The following PCDHGB1 variants were observed in gnomAD, a reference collection of about 807,000 sequenced individuals.
The protein encoded by PCDHGB1 is protocadherin gamma subfamily B, 1.
In PCDHGB1, 34 loss-of-function variants were observed where a neutral mutation model predicts 56.6. The observed-to-expected ratio is 0.60, with a 90% CI of 0.46 to 0.80. The LOEUF is 0.80. Ranked by LOEUF, PCDHGB1 falls within the 30% of genes least tolerant of loss-of-function variation. The probability of loss-of-function intolerance (pLI) is 0.00; values close to 1 mark genes in which losing one functional copy is unlikely to be tolerated. For missense variants in PCDHGB1, 1,278 were observed against 1,204.6 expected (o/e 1.06, Z -0.90); for synonymous variants, 561 against 505.9 (o/e 1.11, Z -1.46).
chr5:141,357,256 G>T (rs1201064844), intron 1 of PCDHGB1: 1 of 1,613,738 alleles, frequency 6.2e-7, no homozygotes, highest in South Asian at 1.1e-5. Flanking sequence ...AGACCCAGAC[G>T]ACTCGGGCCT....
chr5:141,383,277 T>C, intron 1 of PCDHGB1: 9 of 1,613,888 alleles, frequency 5.6e-6, no homozygotes, highest in Non-Finnish European at 7.6e-6. Context: ...TAATAGATAT[T>C]AATGACAACG....
chr5:141,501,964 A>G (rs1374872785), intron 2 of PCDHGB1, among the ~76,000 whole-genome samples: 1 of 151,854 alleles, frequency 6.6e-6, no homozygotes, highest in East Asian at 1.9e-4. Flanking sequence ...TCATCCTCCT[A>G]ACCTCTGGCA....
chr5:141,427,103 G>A (rs1216465844), intron 1 of PCDHGB1: 3 of 457,888 alleles, frequency 6.6e-6, no homozygotes, highest in Non-Finnish European at 1.3e-5. Flanking sequence ...GTGTCAATGC[G>A]GAGATCACCT....
At chr5:141,381,445 G>C (rs1777202904) in intron 1 of PCDHGB1, among the ~76,000 whole-genome samples, 1 of 152,248 alleles carries the variant, frequency 6.6e-6, no homozygotes. Context: ...TGTCAGGACA[G>C]TCCTGCATTT....
intron 1 of PCDHGB1, chr5:141,410,195 G>A (rs769655902): frequency 1.1e-5 from 18 of 1,613,966 alleles, no homozygotes; most frequent in Non-Finnish European, 1.0e-5. Context: ...TCTGGTCTTC[G>A]CAGACAACTT....
intron 1 of PCDHGB1, among the ~76,000 whole-genome samples, chr5:141,458,102 A>G (rs1314999618): frequency 6.6e-6 from 1 of 152,246 alleles, no homozygotes; most frequent in Admixed American, 6.5e-5. Context: ...GTACTTACAG[A>G]TAGTCTCCAA....
Position 141,487,266 on chromosome 5 carries a change from T to A in PCDHGB1, c.2410-7541T>A. The stretch of plus-strand genomic sequence containing the variant: ...ACCCTCTACTTGGCTGTGTCCCTAG[T>A]GGCAATTTGCTTTGTCTCCTTTGGC... On this transcript the variant is annotated intron_variant, in intron 1 of 3. Transcript: ENST00000523390. This position sits in a 1 kb window ranked among gnomAD's most constrained non-coding sequence, Gnocchi z 5.0. The A allele has an allele frequency of 1.2e-6, 2 of 1,614,172 alleles. No homozygotes were observed. Among genetic ancestry groups the A allele is most frequent in the Non-Finnish European group, 8.5e-7 (1 of 1,180,036 alleles).
At chr5:141,418,966 C>T (rs754269610) in intron 1 of PCDHGB1, 44 of 1,613,892 alleles carry the variant, frequency 2.7e-5, no homozygotes, top group Non-Finnish European at 3.6e-5. Flanking sequence ...TTGCCCTCTT[C>T]AAAACACGGG....
At chr5:141,422,847 C>T (rs1271794821) in intron 1 of PCDHGB1, 2 of 1,614,116 alleles carry the variant, frequency 1.2e-6, no homozygotes, top group Non-Finnish European at 1.7e-6. Context: ...ACAGCGGGGA[C>T]CCGCCCCTCA....
rs1233801398 is a variant in PCDHGB1, at chr5:141,431,238, C to T, written c.2410-63569C>T. The stretch of plus-strand genomic sequence containing the variant: ...TTCCCTCTACCCCACGCCTGGGATC[C>T]GGATATCGGGAAGAACTCTCTGCAG... On this transcript the variant is annotated intron_variant, in intron 1 of 3. Coordinates refer to ENST00000523390, the MANE Select transcript of PCDHGB1 (RefSeq NM_018922.3). This position sits in a 1 kb window ranked among gnomAD's most constrained non-coding sequence, Gnocchi z 4.8. The T allele has an allele frequency of 3.7e-6, 6 of 1,614,156 alleles. No homozygotes were observed. Among genetic ancestry groups the T allele is most frequent in the Non-Finnish European group, 8.5e-7 (1 of 1,180,038 alleles).
intron 3 of PCDHGB1, among the ~76,000 whole-genome samples, chr5:141,510,272 TAAAAAA>T (rs546154379): frequency 7.7e-6 from 1 of 130,390 alleles, no homozygotes; most frequent in Non-Finnish European, 1.6e-5. Context: ...GACTCCATCT[TAAAAAA>T]AAAAAAAAAA....
intron 3 of PCDHGB1, 124 bp from the exon 4 acceptor site, chr5:141,510,823 C>A: frequency 6.4e-7 from 1 of 1,562,432 alleles, no homozygotes. Context: ...CCTATATTCC[C>A]AGTGCTCAGC....
Position 141,431,980 on chromosome 5 carries a change from C to G in PCDHGB1, c.2410-62827C>G. The G allele has an allele frequency of 6.2e-7, 1 of 1,614,214 alleles. No homozygotes were observed. The highest frequency in any genetic ancestry group is 8.5e-7 in the Non-Finnish European group (1 of 1,180,024). ...GAAATTACTATAGTTTAGTCACAGACATAGTCTTGGATAGGGAACAGGTTC... is the reference window on the plus strand; with the variant it reads ...GAAATTACTATAGTTTAGTCACAGAGATAGTCTTGGATAGGGAACAGGTTC... On this transcript the variant is annotated intron_variant, in intron 1 of 3. Transcript: ENST00000523390. The surrounding 1 kb of genome is among the most constrained non-coding windows in gnomAD (Gnocchi z 4.8).
chr5:141,507,915 G>A (rs1324577269), intron 3 of PCDHGB1, among the ~76,000 whole-genome samples: 2 of 152,224 alleles, frequency 1.3e-5, no homozygotes, highest in African/African-American at 4.8e-5. Flanking sequence ...AGCCAGGCCT[G>A]TGGGGCTGCT....
At chr5:141,434,667 G>A (rs1464226862) in intron 1 of PCDHGB1, among the ~76,000 whole-genome samples, 5 of 151,956 alleles carry the variant, frequency 3.3e-5, no homozygotes, top group African/African-American at 1.2e-4. Context: ...CTATAGAAAT[G>A]ATGCTAATGA....
chr5:141,458,347 T>A (rs1351687231), intron 1 of PCDHGB1, among the ~76,000 whole-genome samples: 1 of 151,916 alleles, frequency 6.6e-6, no homozygotes, highest in Non-Finnish European at 1.5e-5. Flanking sequence ...AGTGGAGAGT[T>A]TAATAAGCAA....
intron 1 of PCDHGB1, chr5:141,371,894 G>C (rs1346040727): frequency 2.5e-6 from 4 of 1,613,426 alleles, no homozygotes; most frequent in Non-Finnish European, 3.4e-6. Flanking sequence ...AGCCGCGGGA[G>C]CTGTCGTCCT....
At chr5:141,352,896 G>A (rs1463239890) in intron 1 of PCDHGB1, among the ~76,000 whole-genome samples, 5 of 152,206 alleles carry the variant, frequency 3.3e-5, no homozygotes, top group Non-Finnish European at 7.3e-5. Context: ...GCTGAGACAG[G>A]AGGATCGCTT....
intron 1 of PCDHGB1, chr5:141,399,601 C>T: frequency 6.2e-7 from 1 of 1,613,986 alleles, no homozygotes; most frequent in South Asian, 1.1e-5. Context: ...GGCCAGCGAC[C>T]TAGAGCCTCT....
Sources: allele counts gnomAD v4.1 joint callset (sites outside exome capture counted in the v4.1 genomes callset), GRCh38; gene constraint gnomAD v4.1.1; non-coding constraint Gnocchi (gnomAD v3.1); transcripts MANE v1.5; gene names NCBI Gene and HGNC (gene_info 2026-07-23, HGNC 2026-07-21).